The following RANBP2 variants were observed in gnomAD, a reference collection of about 807,000 sequenced individuals.
RANBP2 encodes the protein RAN binding protein 2.
Under a neutral mutation model 303.6 loss-of-function variants are expected in RANBP2, and 57 were observed. The observed-to-expected ratio is 0.19, with a 90% CI of 0.15 to 0.23. RANBP2 has a LOEUF of 0.23. RANBP2 is among the 10% of genes least tolerant of loss of function. The pLI is 1.00. For synonymous variants in RANBP2, 1,167 were observed against 1,301.5 expected (o/e 0.90, Z 2.23); for missense variants, 3,138 against 3,780.8 (o/e 0.83, Z 4.46).
the RANBP2 span, among the ~76,000 whole-genome samples, chr2:109,195,859 A>G: frequency 9.9e-5 from 15 of 152,246 alleles, no homozygotes; most frequent in South Asian, 3.1e-3. Flanking sequence ...GAGTCTGGCT[A>G]TGCGTTTGGA....
chr2:109,024,283 G>A, the RANBP2 span, among the ~76,000 whole-genome samples: 2 of 152,206 alleles, frequency 1.3e-5, no homozygotes, highest in African/African-American at 4.8e-5. Flanking sequence ...TAAGCTAGAT[G>A]TTATCATGAA....
chr2:108,818,056 T>C, the RANBP2 span, among the ~76,000 whole-genome samples: 762 of 152,236 alleles, frequency 5.0e-3, 4 homozygotes, highest in South Asian at 0.021. Flanking sequence ...CTGTAATCCT[T>C]GCACTTCGGG....
At chr2:109,373,730 T>A in the RANBP2 span, among the ~76,000 whole-genome samples, 1 of 152,170 alleles carries the variant, frequency 6.6e-6, no homozygotes, top group Non-Finnish European at 1.5e-5. Context: ...ATTATGCTGC[T>A]GTAAAATGGT....
chr2:109,550,358 G>A, the RANBP2 span, among the ~76,000 whole-genome samples: 1 of 151,348 alleles, frequency 6.6e-6, no homozygotes, highest in Non-Finnish European at 1.5e-5. Context: ...TGTTGCCCAG[G>A]CTGGAGTGCA....
chr2:108,953,468 A>G, the RANBP2 span, among the ~76,000 whole-genome samples: 3 of 151,962 alleles, frequency 2.0e-5, no homozygotes, highest in African/African-American at 4.8e-5. Context: ...ACAGTCTACA[A>G]ATTCCCTCTG....
chr2:109,277,647 G>A, the RANBP2 span, among the ~76,000 whole-genome samples: 2 of 152,186 alleles, frequency 1.3e-5, no homozygotes, highest in Non-Finnish European at 2.9e-5. Flanking sequence ...AACAGGCAGT[G>A]CTTGGGTTTG....
At chr2:109,400,912 G>T in the RANBP2 span, among the ~76,000 whole-genome samples, 3 of 152,216 alleles carry the variant, frequency 2.0e-5, no homozygotes, top group African/African-American at 7.2e-5. Flanking sequence ...AAGGGGAAAA[G>T]CATAACCTTG....
intron 3 of RANBP2, 76 bp downstream of exon 3, chr2:108,730,961 A>G: frequency 6.7e-7 from 1 of 1,493,648 alleles, no homozygotes; most frequent in Non-Finnish European, 9.3e-7. Flanking sequence ...TAAGTAAGTC[A>G]AATATATTTT....
chr2:108,777,675 CT>C (rs1677982914), intron 25 of RANBP2, among the ~76,000 whole-genome samples: 3 of 152,136 alleles, frequency 2.0e-5, no homozygotes, highest in Admixed American at 2.0e-4. Context: ...AATTGGTGTG[CT>C]TGCCCATCTT....
the RANBP2 span, among the ~76,000 whole-genome samples, chr2:109,386,205 G>T: frequency 6.6e-6 from 1 of 152,238 alleles, no homozygotes; most frequent in Non-Finnish European, 1.5e-5. Context: ...GAGGGAAGGA[G>T]GAAGTGACCC....
At chr2:109,010,114 G>A in the RANBP2 span, among the ~76,000 whole-genome samples, 8 of 151,998 alleles carry the variant, frequency 5.3e-5, no homozygotes, top group African/African-American at 1.5e-4. Flanking sequence ...TTACATAGTG[G>A]GCATTGTGTT....
At chr2:109,540,818 A>C in the RANBP2 span, among the ~76,000 whole-genome samples, 2 of 149,258 alleles carry the variant, frequency 1.3e-5, no homozygotes, top group Non-Finnish European at 1.5e-5. Context: ...AAAAAAAGCT[A>C]CACATTAGCT....
the RANBP2 span, chr2:109,371,591 G>A: frequency 1.9e-6 from 3 of 1,613,990 alleles, no homozygotes; most frequent in Non-Finnish European, 2.5e-6. Context: ...TGCAGGACGA[G>A]ATTCTGACGG....
the RANBP2 span, among the ~76,000 whole-genome samples, chr2:108,909,911 T>G: frequency 6.6e-6 from 1 of 152,102 alleles, no homozygotes; most frequent in East Asian, 1.9e-4. Flanking sequence ...CTTGGGCGAG[T>G]GACAACTTCC....
chr2:109,058,209 G>A, the RANBP2 span, among the ~76,000 whole-genome samples: 2 of 152,318 alleles, frequency 1.3e-5, no homozygotes, highest in South Asian at 4.1e-4. Flanking sequence ...TTCTGCTCCA[G>A]CCCCTTCTCT....
chr2:109,258,227 G>A, the RANBP2 span, among the ~76,000 whole-genome samples: 1 of 152,158 alleles, frequency 6.6e-6, no homozygotes. Context: ...TCCAGGAGTG[G>A]GGGACAGCCT....
the RANBP2 span, among the ~76,000 whole-genome samples, chr2:108,901,910 T>A: frequency 6.6e-6 from 1 of 151,856 alleles, no homozygotes. Flanking sequence ...TCAAGACCAG[T>A]CTGGCCAAGA....
the RANBP2 span, among the ~76,000 whole-genome samples, chr2:108,805,968 G>T: frequency 6.6e-6 from 1 of 152,180 alleles, no homozygotes; most frequent in Non-Finnish European, 1.5e-5. Context: ...AAAGCATTGG[G>T]CTGGGAATCT....
At chr2:108,923,288 G>T in the RANBP2 span, 2 of 1,378,950 alleles carry the variant, frequency 1.5e-6, no homozygotes, top group Non-Finnish European at 2.1e-6. Flanking sequence ...TGCCAGGACC[G>T]GCTCTTTCCT....
Sources: gnomAD v4.1 joint callset for allele counts (sites outside exome capture counted in the v4.1 genomes callset) on GRCh38, gnomAD v4.1.1 for gene constraint, MANE v1.5 for transcripts, NCBI Gene and HGNC (gene_info 2026-07-23, HGNC 2026-07-21) for gene names.